COL4A4: variants seen among roughly 807,000 people sequenced by gnomAD.
The protein encoded by COL4A4 is collagen type IV alpha 4 chain, also known as collagen alpha-4(IV) chain.
In COL4A4, 105 loss-of-function variants were observed where a neutral mutation model predicts 192.9. The observed-to-expected ratio is 0.54, with a 90% confidence interval of 0.46 to 0.64. The LOEUF is 0.64. COL4A4 is among the 30% of genes least tolerant of loss of function. COL4A4 has a pLI of 0.00. For missense variants in COL4A4, 1,967 were observed against 2,169.3 expected (o/e 0.91, Z 1.85); for synonymous variants, 762 against 769.9 (o/e 0.99, Z 0.17).
intron 44 of COL4A4, among the ~76,000 whole-genome samples, chr2:227,020,807 A>G (rs1965852718): frequency 6.6e-6 from 1 of 152,012 alleles, no homozygotes; most frequent in Non-Finnish European, 1.5e-5. Flanking sequence ...TGGGCTCCCT[A>G]ATATCTTTGT....
downstream of COL4A4, among the ~76,000 whole-genome samples, chr2:227,001,979 C>T (rs1961071722): frequency 6.6e-6 from 1 of 151,966 alleles, no homozygotes; most frequent in African/African-American, 2.4e-5. Flanking sequence ...TTAAGACGAG[C>T]CTGGGCAGCA....
chr2:227,141,695 A>C (rs1411335490), intron 3 of COL4A4, among the ~76,000 whole-genome samples: 1 of 152,188 alleles, frequency 6.6e-6, no homozygotes, highest in African/African-American at 2.4e-5. Context: ...TCAAGCGATT[A>C]GATAGTTTAA....
intron 12 of COL4A4, 45 bp downstream of exon 12, chr2:227,108,536 C>T (rs749098434): frequency 5.2e-5 from 82 of 1,582,984 alleles, no homozygotes; most frequent in Non-Finnish European, 7.0e-5. Context: ...CTGAGCAGCA[C>T]ACACACGTCA....
chr2:227,118,273 C>T (rs1559669501), intron 7 of COL4A4, among the ~76,000 whole-genome samples: 1 of 152,140 alleles, frequency 6.6e-6, no homozygotes, highest in East Asian at 1.9e-4. Context: ...CTGCAATTAA[C>T]CCTGAATGAT....
chr2:227,071,218 C>A (rs2058702885), intron 25 of COL4A4, among the ~76,000 whole-genome samples: 1 of 152,058 alleles, frequency 6.6e-6, no homozygotes, highest in South Asian at 2.1e-4. Flanking sequence ...GTATTCCATG[C>A]AGATAGAAAC....
At chr2:227,095,501 T>C (rs2060164088) in intron 19 of COL4A4, among the ~76,000 whole-genome samples, 1 of 152,206 alleles carries the variant, frequency 6.6e-6, no homozygotes, top group African/African-American at 2.4e-5. Flanking sequence ...CAGTGAATGT[T>C]CAGTGTGTTC....
intron 2 of COL4A4, among the ~76,000 whole-genome samples, chr2:227,146,026 G>A (rs2063524545): frequency 6.6e-6 from 1 of 152,146 alleles, no homozygotes. Context: ...TTTTAAATAG[G>A]ATATGTTGCA....
At chr2:227,104,146 T>C (rs375037954) in intron 12 of COL4A4, 94 bp from the exon 13 acceptor site, 8 of 976,242 alleles carry the variant, frequency 8.2e-6, no homozygotes, top group East Asian at 2.4e-5. Flanking sequence ...TCCAATCCTA[T>C]GTGTCATGGA....
At chr2:227,009,037 A>G (rs1962866290) in intron 46 of COL4A4, among the ~76,000 whole-genome samples, 1 of 152,156 alleles carries the variant, frequency 6.6e-6, no homozygotes, top group Non-Finnish European at 1.5e-5. Context: ...AAAGAAATTG[A>G]TGGCAGAGGG....
At chr2:227,050,915 C>T (rs749427832) in intron 33 of COL4A4, 62 bp downstream of exon 33, 68 of 1,596,384 alleles carry the variant, frequency 4.3e-5, no homozygotes, top group South Asian at 5.5e-5. Context: ...TAGCTCCTTA[C>T]GGACATCCTA....
At chr2:227,163,001 G>T (rs1164587870) in intron 1 of COL4A4, among the ~76,000 whole-genome samples, 1 of 152,182 alleles carries the variant, frequency 6.6e-6, no homozygotes, top group Non-Finnish European at 1.5e-5. Flanking sequence ...AAATTTAACT[G>T]CAAGCAAGTG....
intron 35 of COL4A4, among the ~76,000 whole-genome samples, chr2:227,046,051 C>CTATCTAAATATATATACGTATATATAA (rs1972754074): frequency 7.6e-6 from 1 of 131,826 alleles, no homozygotes; most frequent in Non-Finnish European, 1.5e-5. Flanking sequence ...TACATATATA[C>CTATCTAAATATATATACGTATATATAA]TATCTAAACA....
In COL4A4 at chr2:227,059,448, C is replaced by T. The variant is rs763135916; in HGVS notation, c.2340G>A (p.Gly780=). The part of the protein sequence containing the change: ...PGKRGLSGVP[G]IKGPRGDPGC... ...CCGGATCACCTCTGGGTCCTTTTAT[C>T]CCTGGCACTCCTGAAAGACCCCTCT... Residue 780 remains glycine (G), a synonymous_variant, in exon 28 of 48, where the codon GGG becomes GGA. Transcript: ENST00000396625. 6 of 1,614,068 alleles carry T rather than the reference C, an allele frequency of 3.7e-6. No individual in the cohort carries two copies. Among genetic ancestry groups the T allele is most frequent in the Non-Finnish European group, 4.2e-6 (5 of 1,180,038 alleles).
chr2:227,163,697 G>C (rs2065043102), intron 1 of COL4A4, among the ~76,000 whole-genome samples: 1 of 152,232 alleles, frequency 6.6e-6, no homozygotes, highest in Non-Finnish European at 1.5e-5. Context: ...CTGAAAAGCA[G>C]TTCAACTCAG....
chr2:227,047,237 C>T (rs906215821), intron 35 of COL4A4, among the ~76,000 whole-genome samples: 5 of 151,966 alleles, frequency 3.3e-5, no homozygotes, highest in African/African-American at 7.3e-5. Flanking sequence ...TCAACATCAT[C>T]GGTCACATGA....
chr2:227,012,106 T>G, intron 45 of COL4A4, 75 bp downstream of exon 45: 1 of 1,227,888 alleles, frequency 8.1e-7, no homozygotes, highest in South Asian at 1.2e-5. Context: ...GGAAAGCCAC[T>G]TGAGAGATCA....
chr2:226,997,265 TATTC>T, the COL4A4 span: 1 of 152,224 alleles, frequency 6.6e-6, no homozygotes, highest in Non-Finnish European at 1.5e-5. Context: ...TAAATTAAAA[TATTC>T]AAGCTAAATG....
At chr2:227,119,490 C>T (rs1249306657) in intron 6 of COL4A4, among the ~76,000 whole-genome samples, 1 of 147,986 alleles carries the variant, frequency 6.8e-6, no homozygotes, top group Admixed American at 6.8e-5. Flanking sequence ...TGTAAGATAG[C>T]TATATATCGT....
intron 14 of COL4A4, 144 bp from the exon 15 acceptor site, chr2:227,102,992 T>C (rs1576520413): frequency 2.8e-6 from 3 of 1,080,204 alleles, no homozygotes; most frequent in East Asian, 2.4e-5. Context: ...TACTTTAGAA[T>C]AGAAGCTCTA....
Sources: gnomAD v4.1 joint callset for allele counts (sites outside exome capture counted in the v4.1 genomes callset) on GRCh38, gnomAD v4.1.1 for gene constraint, MANE v1.5 for transcripts, NCBI Gene and HGNC (gene_info 2026-07-23, HGNC 2026-07-21) for gene names.